Variants in CD44 observed in about 807,000 individuals in gnomAD.
CD44 encodes CD44 molecule (IN blood group).
A neutral mutation model predicts 88.8 loss-of-function variants in CD44; 49 were observed. That is an observed-to-expected ratio of 0.55 (90% CI 0.44 to 0.70). The LOEUF (loss-of-function observed/expected upper bound fraction) is 0.70, where lower values mean the gene tolerates loss of function less well. Among genes scored for constraint, CD44 ranks in the 30% least tolerant of loss-of-function variants. The pLI, the probability that CD44 is intolerant of heterozygous loss-of-function variation, is 0.00. For missense variants in CD44, 883 were observed against 913.8 expected, an observed-to-expected ratio of 0.97 and a Z score of 0.43; for synonymous variants, 325 against 312.3, an observed-to-expected ratio of 1.04 and a Z score of -0.43.
chr11:35,204,681 C>A, intron 10 of CD44, 41 bp downstream of exon 10: 2 of 1,596,106 alleles, frequency 1.3e-6, no homozygotes, highest in South Asian at 2.2e-5. Context: ...TGGAAACTTC[C>A]TTTTGGGTTA....
intron 5 of CD44, among the ~76,000 whole-genome samples, chr11:35,191,032 C>A (rs1189013332): frequency 6.6e-6 from 1 of 152,168 alleles, no homozygotes; most frequent in Non-Finnish European, 1.5e-5. Context: ...GGGCCATGTT[C>A]CTCCTGTGGA....
intron 7 of CD44, 91 bp downstream of exon 7, chr11:35,198,337 T>A: frequency 8.1e-7 from 1 of 1,241,994 alleles, no homozygotes; most frequent in Non-Finnish European, 1.1e-6. Context: ...GAGAAGTAGT[T>A]AATGTGAAAA....
chr11:35,193,173 T>C (rs1010364992), intron 5 of CD44, among the ~76,000 whole-genome samples: 1 of 152,182 alleles, frequency 6.6e-6, no homozygotes, highest in Admixed American at 6.5e-5. Flanking sequence ...GTCTTTTGGC[T>C]TCCCTGGGCC....
intron 1 of CD44, among the ~76,000 whole-genome samples, chr11:35,150,531 A>G (rs916677225): frequency 6.6e-6 from 1 of 152,226 alleles, no homozygotes; most frequent in African/African-American, 2.4e-5. Flanking sequence ...AGGCTATAAT[A>G]TAAGGCTAGT....
intron 1 of CD44, among the ~76,000 whole-genome samples, chr11:35,162,066 C>T (rs770138777): frequency 6.6e-6 from 1 of 152,112 alleles, no homozygotes; most frequent in Non-Finnish European, 1.5e-5. Context: ...ATACTATATC[C>T]TCACTCTAGA....
intron 17 of CD44, chr11:35,223,347 C>CA: frequency 1.1e-6 from 1 of 926,448 alleles, no homozygotes; most frequent in East Asian, 1.2e-4. Context: ...CCTTTATTGC[C>CA]AAGCCCTAGA....
intron 1 of CD44, among the ~76,000 whole-genome samples, chr11:35,175,856 T>G (rs1944393987): frequency 6.7e-6 from 1 of 148,718 alleles, no homozygotes; most frequent in Non-Finnish European, 1.5e-5. Flanking sequence ...GCTTTTTGTT[T>G]GTTTGTTCTT....
intron 5 of CD44, among the ~76,000 whole-genome samples, chr11:35,192,219 A>G (rs1394523307): frequency 6.6e-6 from 1 of 152,272 alleles, no homozygotes; most frequent in African/African-American, 2.4e-5. Flanking sequence ...GTCCAGGGCT[A>G]ACCTGAGAGT....
intron 1 of CD44, among the ~76,000 whole-genome samples, chr11:35,176,177 G>A (rs755626817): frequency 6.6e-6 from 1 of 151,986 alleles, no homozygotes; most frequent in African/African-American, 2.4e-5. Flanking sequence ...GGAGCAGCTG[G>A]GACTACAGGC....
chr11:35,214,779 C>A, intron 14 of CD44, 73 bp from the exon 15 acceptor site: 2 of 848,110 alleles, frequency 2.4e-6, no homozygotes, highest in Non-Finnish European at 3.5e-6. Context: ...TATAAGAATG[C>A]AAAGGTAAAG....
chr11:35,175,357 TCATAA>T lies in CD44; in HGVS notation c.68-1212_68-1208del, dbSNP rs773347358. Among the ~76,000 whole-genome samples, 19 of 152,362 alleles carry T rather than the reference TCATAA, an allele frequency of 1.2e-4. No homozygotes were observed. The Middle Eastern group carries it at 0.01, about 82-fold the overall frequency. ...AGATCACTTGATTGTGAAAAAATGC[TCATAA>T]CATAAGATTAAGTGGAAAAATGACT... On this transcript the variant is annotated intron_variant, in intron 1 of 17. Coordinates refer to ENST00000428726, the MANE Select transcript of CD44 (RefSeq NM_000610.4).
intron 17 of CD44, chr11:35,223,032 A>G: frequency 1.0e-6 from 1 of 985,454 alleles, no homozygotes; most frequent in Non-Finnish European, 1.2e-6. Flanking sequence ...TGTTACAATA[A>G]TTACGCTGGT....
intron 1 of CD44, among the ~76,000 whole-genome samples, chr11:35,140,574 A>G (rs1023265264): frequency 2.0e-5 from 3 of 152,178 alleles, no homozygotes; most frequent in African/African-American, 7.2e-5. Flanking sequence ...TACTTTCTGC[A>G]GTAGGAAGAA....
At chr11:35,205,496 A>G (rs1001759255) in intron 10 of CD44, among the ~76,000 whole-genome samples, 2 of 152,158 alleles carry the variant, frequency 1.3e-5, no homozygotes. Flanking sequence ...AGAGGATGCT[A>G]TTGTAATCTT....
intron 16 of CD44, among the ~76,000 whole-genome samples, chr11:35,220,599 C>T (rs188516282): frequency 6.6e-6 from 1 of 152,036 alleles, no homozygotes; most frequent in East Asian, 1.9e-4. Flanking sequence ...TATTTTAGTC[C>T]TAAAAGAGCC....
chr11:35,151,698 T>C (rs1044151179), intron 1 of CD44, among the ~76,000 whole-genome samples: 4 of 152,322 alleles, frequency 2.6e-5, no homozygotes, highest in East Asian at 3.9e-4. Context: ...TTTGTTAATG[T>C]TTCTGAGAGT....
At chr11:35,220,374 TC>T (rs1949194093) in intron 16 of CD44, among the ~76,000 whole-genome samples, 1 of 134,446 alleles carries the variant, frequency 7.4e-6, no homozygotes, top group Non-Finnish European at 1.7e-5. Context: ...CCTGTCAGTC[TC>T]CCCCACTTCT....
chr11:35,162,098 G>C (rs893369911), intron 1 of CD44, among the ~76,000 whole-genome samples: 2 of 152,156 alleles, frequency 1.3e-5, no homozygotes, highest in Non-Finnish European at 2.9e-5. Context: ...TGAGGGCACA[G>C]ATCGTGTCTG....
chr11:35,143,088 C>A (rs1001721739), intron 1 of CD44, among the ~76,000 whole-genome samples: 1 of 152,088 alleles, frequency 6.6e-6, no homozygotes, highest in African/African-American at 2.4e-5. Context: ...TACTACCTTA[C>A]AGACTCATTA....
Sources: gnomAD v4.1 joint callset for allele counts (sites outside exome capture counted in the v4.1 genomes callset) on GRCh38, gnomAD v4.1.1 for gene constraint, MANE v1.5 for transcripts, NCBI Gene and HGNC (gene_info 2026-07-23, HGNC 2026-07-21) for gene names.